HYDIN: variants seen among roughly 807,000 people sequenced by gnomAD.
The protein encoded by HYDIN is HYDIN axonemal central pair apparatus protein, also known as axonemal central pair apparatus protein HYDIN.
A neutral mutation model predicts 403.9 loss-of-function variants in HYDIN; 132 were observed. The ratio of observed to expected loss-of-function variants is 0.33; its 90% CI spans 0.28 to 0.38. The LOEUF (loss-of-function observed/expected upper bound fraction) is 0.38. HYDIN is among the 10% of genes least tolerant of loss of function. HYDIN has a pLI of 1.00. For missense variants in HYDIN, 2,827 were observed against 5,009.5 expected (o/e 0.56, Z 13.15); for synonymous variants, 1,202 against 1,891.7 (o/e 0.64, Z 9.46).
intron 9 of HYDIN, among the ~76,000 whole-genome samples, chr16:71,118,583 T>C (rs2084140200): frequency 6.6e-6 from 1 of 152,122 alleles, no homozygotes; most frequent in African/African-American, 2.4e-5. Flanking sequence ...CACACAACTG[T>C]AGAGCCAAAA....
chr16:70,828,607 G>C (rs536962652), intron 81 of HYDIN, among the ~76,000 whole-genome samples, 178 bp from the exon 82 acceptor site: 6 of 150,918 alleles, frequency 4.0e-5, no homozygotes, highest in Non-Finnish European at 8.9e-5. Flanking sequence ...ATATGTATCC[G>C]AGCCAGGAAT....
intron 23 of HYDIN, among the ~76,000 whole-genome samples, chr16:71,017,546 T>G (rs1440134415): frequency 6.6e-6 from 1 of 151,878 alleles, no homozygotes; most frequent in Non-Finnish European, 1.5e-5. Context: ...GGCAGTTCTT[T>G]ATAACAGTGT....
chr16:70,980,226 G>A lies in HYDIN; in HGVS notation c.4510+1165C>T, dbSNP rs531685110. ...TAGCATTAGTGACATTTATTGCCAG[G>A]CATTGTGGCTCAACACCTGTAATCT... On this transcript the variant is annotated intron_variant, in intron 29 of 85. Transcript: ENST00000393567. 1.0e-4 allele frequency among the ~76,000 whole-genome samples: 15 copies of A among 149,812 alleles called. No homozygotes were observed. In the East Asian group the frequency reaches 2.9e-3, roughly 29 times the overall value.
At chr16:70,916,958 C>T (rs759872590) in intron 47 of HYDIN, among the ~76,000 whole-genome samples, 1 of 151,982 alleles carries the variant, frequency 6.6e-6, no homozygotes, top group Non-Finnish European at 1.5e-5. Context: ...GGATCTCACT[C>T]TATTGCCCAG....
At chr16:70,855,533 C>T (rs761650159) in intron 72 of HYDIN, among the ~76,000 whole-genome samples, 2 of 152,266 alleles carry the variant, frequency 1.3e-5, no homozygotes, top group Non-Finnish European at 2.9e-5. Flanking sequence ...CTGGTGACAC[C>T]GTTTTCTTCC....
At chr16:70,917,307 G>A (rs1442182947) in intron 47 of HYDIN, among the ~76,000 whole-genome samples, 3 of 152,162 alleles carry the variant, frequency 2.0e-5, no homozygotes, top group Non-Finnish European at 4.4e-5. Flanking sequence ...TCTCTGCTTG[G>A]GTGAGGCATG....
chr16:70,920,711 G>A lies in HYDIN; in HGVS notation c.7665C>T (p.Asp2555=). 8 of 1,599,994 alleles carry A rather than the reference G, an allele frequency of 5.0e-6. No individual in the cohort carries two copies. The highest frequency in any genetic ancestry group is 6.8e-6 in the Non-Finnish European group (8 of 1,172,628). ...GGTCCTTCTCCTTCTTCCCTTCGTG[G>A]TCCTCCTCCCCTTCCCCCTCCCAGT... ...RSDWEGEGEE[D]HEGKKEKDLG... The change falls in exon 46 of 86, where the codon GAC becomes GAT. Residue 2555 remains aspartate (D), a synonymous_variant. Transcript: ENST00000393567.
Position 70,802,222 on chromosome 16 carries a change from C to T in HYDIN, c.*5358G>A, listed in dbSNP as rs1475392132. 6.6e-6 allele frequency: 1 copy of T among 152,196 alleles called. No individual in the cohort carries two copies. Among genetic ancestry groups the T allele is most frequent in the East Asian group, 1.9e-4 (1 of 5,196 alleles). 9.4% of individuals were successfully genotyped at this position (152,196 alleles called of 1,614,324 possible). A position where few individuals can be genotyped will look rare whatever the true frequency, so the allele number is the denominator to read the frequency against. ...AGTAGGCAGAATTCTAGGATGACCT[C>T]CAATATTCCCACCCCTTCGTGTTCA... On this transcript the variant is annotated 3_prime_UTR_variant, in exon 86 of 86. Coordinates refer to ENST00000393567, the MANE Select transcript of HYDIN (RefSeq NM_001270974.2).
At chr16:71,178,483 A>T (rs2086775131) in intron 4 of HYDIN, among the ~76,000 whole-genome samples, 1 of 148,960 alleles carries the variant, frequency 6.7e-6, no homozygotes, top group South Asian at 2.1e-4. Context: ...ACATACATAT[A>T]TATATATACA....
At chr16:71,179,689 G>T (rs1241626589) in intron 3 of HYDIN, among the ~76,000 whole-genome samples, 1 of 152,192 alleles carries the variant, frequency 6.6e-6, no homozygotes, top group African/African-American at 2.4e-5. Context: ...CTCATTTCCT[G>T]TTCTATTTTG....
At chr16:71,052,149 T>C (rs1245603166) in intron 18 of HYDIN, among the ~76,000 whole-genome samples, 1 of 152,276 alleles carries the variant, frequency 6.6e-6, no homozygotes, top group Non-Finnish European at 1.5e-5. Flanking sequence ...AAAATAGACA[T>C]AATAATAAAA....
intron 28 of HYDIN, among the ~76,000 whole-genome samples, chr16:70,982,513 C>T (rs1337116644): frequency 2.2e-5 from 3 of 136,236 alleles, no homozygotes; most frequent in Non-Finnish European, 4.6e-5. Flanking sequence ...TATGAACCAA[C>T]GATCACTTAA....
chr16:71,055,115 G>C (rs564515035), intron 18 of HYDIN, among the ~76,000 whole-genome samples: 129 of 152,346 alleles, frequency 8.5e-4, no homozygotes, highest in African/African-American at 3.1e-3. Context: ...ACATGAAACC[G>C]TGCTCCTTTC....
At chr16:70,984,867 G>A (rs1362864057) in intron 28 of HYDIN, among the ~76,000 whole-genome samples, 3 of 151,022 alleles carry the variant, frequency 2.0e-5, no homozygotes, top group Admixed American at 1.3e-4. Context: ...GGAAGCCCTC[G>A]GGAATTACAA....
At chr16:70,994,886 C>T (rs1226650652) in intron 23 of HYDIN, among the ~76,000 whole-genome samples, 1 of 149,264 alleles carries the variant, frequency 6.7e-6, no homozygotes, top group African/African-American at 2.5e-5. Flanking sequence ...CGCTGCCCCA[C>T]ATAATAGCAC....
intron 1 of HYDIN, among the ~76,000 whole-genome samples, chr16:71,206,718 T>C (rs1395919312): frequency 3.3e-5 from 5 of 152,086 alleles, no homozygotes; most frequent in South Asian, 2.1e-4. Flanking sequence ...ATAGCCAGTA[T>C]AGAAAAGAAT....
chr16:70,870,504 G>A (rs2040029451), intron 65 of HYDIN, among the ~76,000 whole-genome samples: 1 of 150,212 alleles, frequency 6.7e-6, no homozygotes, highest in African/African-American at 2.4e-5. Flanking sequence ...AGGGGCCAAG[G>A]TGTGGCTCAG....
chr16:71,181,496 C>A (rs963606907), intron 3 of HYDIN, among the ~76,000 whole-genome samples: 27 of 152,052 alleles, frequency 1.8e-4, no homozygotes, highest in African/African-American at 6.3e-4. Context: ...GGTAACACAG[C>A]TAATCTACTT....
intron 1 of HYDIN, among the ~76,000 whole-genome samples, chr16:71,188,325 G>A (rs2087255323): frequency 2.0e-5 from 3 of 152,078 alleles, no homozygotes; most frequent in Admixed American, 2.0e-4. Context: ...CTCACAGAAA[G>A]CCTCATTATG....
Sources: allele counts gnomAD v4.1 joint callset (sites outside exome capture counted in the v4.1 genomes callset), GRCh38; gene constraint gnomAD v4.1.1; transcripts MANE v1.5; gene names NCBI Gene and HGNC (gene_info 2026-07-23, HGNC 2026-07-21).